Variants in SEC24B observed in about 807,000 individuals in gnomAD.
SEC24B encodes SEC24 homolog B, COPII component.
A neutral mutation model predicts 142.8 loss-of-function variants in SEC24B; 45 were observed. The ratio of observed to expected loss-of-function variants is 0.32; its 90% CI spans 0.25 to 0.40. SEC24B has a LOEUF of 0.40. SEC24B is among the 10% of genes least tolerant of loss of function. The pLI, the probability that SEC24B is intolerant of heterozygous loss-of-function variation, is 1.00. For synonymous variants in SEC24B, 574 were observed against 568.2 expected (o/e 1.01, Z -0.15); for missense variants, 1,409 against 1,526.8 (o/e 0.92, Z 1.29).
intron 22 of SEC24B, among the ~76,000 whole-genome samples, chr4:109,536,478 G>A (rs181709729): frequency 1.3e-5 from 2 of 152,134 alleles, no homozygotes; most frequent in Non-Finnish European, 2.9e-5. Context: ...ACATTTAAAT[G>A]TAAAAAAGGA....
intron 3 of SEC24B, among the ~76,000 whole-genome samples, chr4:109,480,482 C>CTTTTCT (rs775740296): frequency 6.6e-6 from 1 of 150,858 alleles, no homozygotes; most frequent in African/African-American, 2.4e-5. Flanking sequence ...TTCTTTTTTC[C>CTTTTCT]TTTTCTTTTT....
chr4:109,458,010 C>T (rs1413209622), intron 1 of SEC24B, among the ~76,000 whole-genome samples: 2 of 152,112 alleles, frequency 1.3e-5, no homozygotes, highest in African/African-American at 4.8e-5. Flanking sequence ...CTTTAGCCCA[C>T]TACATGCTTT....
chr4:109,472,338 G>C (rs531551605), intron 2 of SEC24B, among the ~76,000 whole-genome samples: 1 of 152,108 alleles, frequency 6.6e-6, no homozygotes, highest in African/African-American at 2.4e-5. Flanking sequence ...TTTCTCAACC[G>C]GGAACGATTT....
intron 3 of SEC24B, among the ~76,000 whole-genome samples, chr4:109,475,856 TA>T (rs1486658660): frequency 1.3e-5 from 2 of 152,182 alleles, no homozygotes; most frequent in African/African-American, 4.8e-5. Context: ...TTTATCACTC[TA>T]TTGTGCTTTT....
Position 109,539,794 on chromosome 4 carries a change from ACT to A in SEC24B, c.*122_*123del, listed in dbSNP as rs1227399805. 3.1e-6 allele frequency: 2 copies of A among 654,070 alleles called. No homozygotes were observed. Among genetic ancestry groups the A allele is most frequent in the African/African-American group, 3.7e-5 (2 of 54,486 alleles). The allele number at this position is 654,070 out of a possible 1,614,324, so 40.5% of individuals were successfully genotyped here. A position where few individuals can be genotyped will look rare whatever the true frequency, so the allele number is the denominator to read the frequency against. On this transcript the variant is annotated 3_prime_UTR_variant, in exon 24 of 24. Coordinates refer to ENST00000265175, the MANE Select transcript of SEC24B (RefSeq NM_006323.5). ...GTTAATACAAGATGCAACGCACAGC[ACT>A]CTGTCTGAGGCTTTGGTAAAAAGTA...
Position 109,463,455 on chromosome 4 carries a change from C to A in SEC24B, c.688C>A (p.Gln230Lys). The A allele has an allele frequency of 2.5e-6, 4 of 1,614,124 alleles. No individual in the cohort carries two copies. The highest frequency in any genetic ancestry group is 2.2e-5 in the South Asian group (2 of 91,060). Reference protein sequence around the residue: ...RPVKDNSFSGQNTAISHPSPL... With the variant: ...RPVKDNSFSGKNTAISHPSPL... ...AGTTAAAGATAATTCATTCTCTGGT[C>A]AAAATACAGCTATCAGCCATCCATC... Residue 230 changes from glutamine to lysine, a missense_variant, in exon 2 of 24, where the codon CAA (glutamine) becomes AAA (lysine). By Grantham distance (53) the Gln-to-Lys change is moderately conservative. Around this residue, in one of 2 missense-constraint regions of SEC24B, gnomAD observed 709 missense variants for 673.5 expected, o/e 1.05. Coordinates refer to ENST00000265175, the MANE Select transcript of SEC24B (RefSeq NM_006323.5).
chr4:109,452,661 C>T (rs1308139114), intron 1 of SEC24B, among the ~76,000 whole-genome samples: 1 of 152,210 alleles, frequency 6.6e-6, no homozygotes, highest in African/African-American at 2.4e-5. Context: ...AGCATCTTCT[C>T]ATGTATATTT....
intron 11 of SEC24B, among the ~76,000 whole-genome samples, chr4:109,518,141 G>A (rs1723179369): frequency 6.6e-6 from 1 of 151,872 alleles, no homozygotes; most frequent in African/African-American, 2.4e-5. Flanking sequence ...CTAAGAAACT[G>A]AGCATTTTGT....
chr4:109,511,768 A>T (rs889560521), intron 8 of SEC24B, among the ~76,000 whole-genome samples, 189 bp from the exon 9 acceptor site: 3 of 152,220 alleles, frequency 2.0e-5, no homozygotes, highest in African/African-American at 7.2e-5. Context: ...ATGATTTGTG[A>T]CAAGAGGGAG....
chr4:109,526,387 A>G lies in SEC24B; in HGVS notation c.2953A>G (p.Thr985Ala). Residue 985 changes from threonine (T) to alanine (A), a missense_variant, in exon 17 of 24, where the codon ACA becomes GCA. By Grantham distance (58) the Thr-to-Ala change is moderately conservative (BLOSUM62 0). Transcript: ENST00000265175. The part of the protein sequence containing the change: ...LVCFQTALLY[T>A]SSKGERRIRV... ...ATGTTTTCAAACAGCCCTATTATAT[A>G]CATCAAGCAAAGGTAATGTTAACAG... The G allele has an allele frequency of 1.2e-6, 2 of 1,606,506 alleles. No individual in the cohort carries two copies. Among genetic ancestry groups the G allele is most frequent in the Non-Finnish European group, 1.7e-6 (2 of 1,175,402 alleles).
intron 1 of SEC24B, among the ~76,000 whole-genome samples, chr4:109,456,031 T>C (rs915054708): frequency 1.3e-5 from 2 of 152,226 alleles, no homozygotes; most frequent in Non-Finnish European, 2.9e-5. Context: ...TCATTCCATT[T>C]CTTTAAATCC....
At chr4:109,474,813 A>C (rs1335483995) in intron 3 of SEC24B, among the ~76,000 whole-genome samples, 1 of 152,206 alleles carries the variant, frequency 6.6e-6, no homozygotes, top group African/African-American at 2.4e-5. Context: ...TTTGCCCACT[A>C]AACAATTGCA....
chr4:109,507,688 C>T (rs1246882228), intron 7 of SEC24B, among the ~76,000 whole-genome samples: 1 of 151,962 alleles, frequency 6.6e-6, no homozygotes, highest in Non-Finnish European at 1.5e-5. Context: ...TGTTGTTGCC[C>T]AGGCTGGAGT....
Position 109,462,929 on chromosome 4 carries a change from A to T in SEC24B, c.162A>T (p.Pro54=). ...CAGCCCAGAATCAAATGCAGGTTCC[A>T]TCTGGATATGGATTGCATCATCAAA... The part of the protein sequence containing the change: ...NGPAQNQMQV[P]SGYGLHHQNY... The change falls in exon 2 of 24, where the codon CCA becomes CCT. Residue 54 remains proline, a synonymous_variant. Coordinates refer to ENST00000265175, the MANE Select transcript of SEC24B (RefSeq NM_006323.5). 6.2e-7 allele frequency: 1 copy of T among 1,611,064 alleles called. No individual in the cohort carries two copies. Among genetic ancestry groups the T allele is most frequent in the Non-Finnish European group, 8.5e-7 (1 of 1,179,858 alleles).
At chr4:109,512,188 T>G in intron 9 of SEC24B, 105 bp downstream of exon 9, 1 of 1,069,032 alleles carries the variant, frequency 9.4e-7, no homozygotes, top group Non-Finnish European at 1.3e-6. Context: ...AAAAAGAATT[T>G]TCATGCCATT....
chr4:109,481,343 G>A (rs566009984), intron 3 of SEC24B, among the ~76,000 whole-genome samples: 1 of 152,232 alleles, frequency 6.6e-6, no homozygotes, highest in African/African-American at 2.4e-5. Context: ...ATACCACAGG[G>A]CCATAAGGTC....
chr4:109,481,891 A>G lies in SEC24B; in HGVS notation c.1165+110A>G, dbSNP rs144881806. 9.8e-4 allele frequency: 729 copies of G among 744,140 alleles called. 5 individuals are homozygous for G. In the African/African-American group the frequency reaches 0.011, roughly 11 times the overall value. 46.1% of individuals were successfully genotyped at this position (744,140 alleles called of 1,614,324 possible). A position where few individuals can be genotyped will look rare whatever the true frequency, so the allele number is the denominator to read the frequency against. ...AAAGAGTCTTTGAAGATTTAGCATG[A>G]TGAACTTACGAGGTTTGCATTATAG... On this transcript the variant is annotated intron_variant, in intron 4 of 23. Coordinates refer to ENST00000265175, the MANE Select transcript of SEC24B (RefSeq NM_006323.5).
At chr4:109,449,222 A>G (rs1485726704) in intron 1 of SEC24B, among the ~76,000 whole-genome samples, 1 of 152,000 alleles carries the variant, frequency 6.6e-6, no homozygotes, top group Non-Finnish European at 1.5e-5. Context: ...GGCTTAAACA[A>G]TAGACATTTC....
At chr4:109,473,212 A>G (rs772400409) in intron 3 of SEC24B, 26 bp downstream of exon 3, 3 of 1,442,652 alleles carry the variant, frequency 2.1e-6, no homozygotes, top group Non-Finnish European at 9.3e-7. Flanking sequence ...ATTATTGTAT[A>G]TGCACACAGA....
Sources: allele counts gnomAD v4.1 joint callset (sites outside exome capture counted in the v4.1 genomes callset), GRCh38; gene constraint gnomAD v4.1.1; regional missense constraint gnomAD v4.1.1; transcripts MANE v1.5; gene names NCBI Gene and HGNC (gene_info 2026-07-23, HGNC 2026-07-21).